The following QTMAN variants were observed in gnomAD, a reference collection of about 807,000 sequenced individuals.
QTMAN encodes the protein queuosine-tRNA mannosyltransferase, also known as tRNA-queuosine alpha-mannosyltransferase.
At chr2:144,026,407 C>T in the QTMAN span, among the ~76,000 whole-genome samples, 3 of 152,042 alleles carry the variant, frequency 2.0e-5, no homozygotes, top group African/African-American at 4.8e-5. Flanking sequence ...TGCACTCCAG[C>T]CTGGGTGACA....
chr2:144,322,749 A>G, the QTMAN span, among the ~76,000 whole-genome samples: 1 of 152,214 alleles, frequency 6.6e-6, no homozygotes, highest in Admixed American at 6.5e-5. Context: ...ATGGAATCTC[A>G]TATATATGAA....
the QTMAN span, among the ~76,000 whole-genome samples, chr2:144,127,202 A>G: frequency 2.0e-5 from 3 of 152,050 alleles, no homozygotes; most frequent in Non-Finnish European, 2.9e-5. Flanking sequence ...TAATGATATG[A>G]ATAGCTGATT....
chr2:144,152,054 C>A, the QTMAN span, among the ~76,000 whole-genome samples: 1 of 152,284 alleles, frequency 6.6e-6, no homozygotes, highest in South Asian at 2.1e-4. Flanking sequence ...AATTTACAGG[C>A]TGTTTATAAA....
At chr2:143,968,292 A>C in the QTMAN span, among the ~76,000 whole-genome samples, 1 of 151,972 alleles carries the variant, frequency 6.6e-6, no homozygotes, top group Non-Finnish European at 1.5e-5. Context: ...CTTCCACAGT[A>C]CTCTCTGTGT....
At chr2:144,142,795 C>T in the QTMAN span, among the ~76,000 whole-genome samples, 1 of 151,838 alleles carries the variant, frequency 6.6e-6, no homozygotes, top group African/African-American at 2.4e-5. Context: ...TATAAAGCGC[C>T]GCAACACCAT....
At chr2:144,075,295 G>T in the QTMAN span, among the ~76,000 whole-genome samples, 1 of 152,198 alleles carries the variant, frequency 6.6e-6, no homozygotes, top group African/African-American at 2.4e-5. Context: ...GCTAATCTGG[G>T]TCGTAACACG....
At chr2:144,144,467 A>G in the QTMAN span, among the ~76,000 whole-genome samples, 1 of 151,980 alleles carries the variant, frequency 6.6e-6, no homozygotes, top group African/African-American at 2.4e-5. Flanking sequence ...AATCAAAAGA[A>G]TATTACAAAT....
the QTMAN span, among the ~76,000 whole-genome samples, chr2:144,110,681 C>A: frequency 1.5e-5 from 2 of 135,520 alleles, no homozygotes; most frequent in Non-Finnish European, 3.1e-5. Context: ...AAAAATCGAC[C>A]CCCCCCCAAA....
At chr2:144,057,839 G>C in the QTMAN span, among the ~76,000 whole-genome samples, 1 of 152,020 alleles carries the variant, frequency 6.6e-6, no homozygotes. Context: ...GGTTTAGAAA[G>C]ATCTTTTCTT....
chr2:144,314,944 GGA>G, the QTMAN span, among the ~76,000 whole-genome samples: 11 of 152,108 alleles, frequency 7.2e-5, no homozygotes, highest in Non-Finnish European at 2.9e-5. Flanking sequence ...GGAGTGCAGT[GGA>G]GTGATCTCGG....
At chr2:144,014,828 T>G in the QTMAN span, among the ~76,000 whole-genome samples, 1 of 152,246 alleles carries the variant, frequency 6.6e-6, no homozygotes, top group Non-Finnish European at 1.5e-5. Context: ...TTTTATATTT[T>G]TATTTCCCAC....
the QTMAN span, among the ~76,000 whole-genome samples, chr2:144,036,250 T>C: frequency 2.6e-5 from 4 of 152,360 alleles, no homozygotes; most frequent in Admixed American, 1.3e-4. Flanking sequence ...CTTGAAATGA[T>C]ACTTGGATGA....
chr2:143,986,200 T>C, the QTMAN span, among the ~76,000 whole-genome samples: 10 of 152,208 alleles, frequency 6.6e-5, no homozygotes, highest in Admixed American at 1.3e-4. Context: ...TCCATTTAAT[T>C]GGAATTATTT....
chr2:144,320,988 A>G, the QTMAN span, among the ~76,000 whole-genome samples: 15 of 152,210 alleles, frequency 9.9e-5, no homozygotes, highest in African/African-American at 3.4e-4. Flanking sequence ...TTCAGTTCAT[A>G]TAACAAGAGA....
At chr2:144,092,980 A>G in the QTMAN span, among the ~76,000 whole-genome samples, 3 of 151,868 alleles carry the variant, frequency 2.0e-5, no homozygotes, top group African/African-American at 7.3e-5. Flanking sequence ...TCTAGTAGCT[A>G]TTGGACATAA....
At chr2:144,239,487 CTT>C in the QTMAN span, among the ~76,000 whole-genome samples, 3 of 151,910 alleles carry the variant, frequency 2.0e-5, no homozygotes, top group African/African-American at 7.3e-5. Flanking sequence ...ATGCTGCTGA[CTT>C]TGACTGGTGG....
At chr2:144,093,232 G>A in the QTMAN span, among the ~76,000 whole-genome samples, 1 of 152,154 alleles carries the variant, frequency 6.6e-6, no homozygotes, top group Non-Finnish European at 1.5e-5. Context: ...AAGGAATAAT[G>A]CATACAATCA....
chr2:144,030,826 G>C, the QTMAN span, among the ~76,000 whole-genome samples: 1 of 152,110 alleles, frequency 6.6e-6, no homozygotes, highest in Non-Finnish European at 1.5e-5. Flanking sequence ...AGCTCTGGGA[G>C]TATTCTCAGA....
At chr2:144,043,853 T>C in the QTMAN span, among the ~76,000 whole-genome samples, 1 of 152,158 alleles carries the variant, frequency 6.6e-6, no homozygotes, top group East Asian at 1.9e-4. Flanking sequence ...TATCTGGAAT[T>C]ATGCTGCTTC....
Sources: allele counts gnomAD v4.1 joint callset (sites outside exome capture counted in the v4.1 genomes callset), GRCh38; gene constraint gnomAD v4.1.1; transcripts MANE v1.5; gene names NCBI Gene and HGNC (gene_info 2026-07-23, HGNC 2026-07-21).